SPECC1: variants seen among roughly 807,000 people sequenced by gnomAD.
SPECC1 encodes the protein sperm antigen with calponin homology and coiled-coil domains 1.
A neutral mutation model predicts 104.1 loss-of-function variants in SPECC1; 62 were observed. The ratio of observed to expected loss-of-function variants is 0.60; its 90% CI spans 0.49 to 0.74. The LOEUF is 0.74. SPECC1 is among the 30% of genes least tolerant of loss of function. SPECC1 has a pLI of 0.00. For synonymous variants in SPECC1, 513 were observed against 501.6 expected (o/e 1.02, Z -0.30); for missense variants, 1,306 against 1,310.5 (o/e 1.00, Z 0.05).
intron 3 of SPECC1, among the ~76,000 whole-genome samples, chr17:20,129,941 A>G (rs1397631343): frequency 6.6e-6 from 1 of 151,050 alleles, no homozygotes; most frequent in Non-Finnish European, 1.5e-5. Flanking sequence ...TTTAGTAGAA[A>G]CTGGGTTTCA....
chr17:20,196,585 A>G (rs138540655), intron 3 of SPECC1, among the ~76,000 whole-genome samples: 1 of 152,362 alleles, frequency 6.6e-6, no homozygotes, highest in East Asian at 1.9e-4. Context: ...CATCTGAGAC[A>G]TTCTTGGACT....
At chr17:20,279,198 G>T (rs1258761820) in intron 12 of SPECC1, among the ~76,000 whole-genome samples, 3 of 151,716 alleles carry the variant, frequency 2.0e-5, no homozygotes, top group African/African-American at 7.3e-5. Context: ...CTCGTGAAAT[G>T]TTCATTTGGG....
At chr17:20,187,294 G>A (rs918079234) in intron 3 of SPECC1, among the ~76,000 whole-genome samples, 3 of 152,202 alleles carry the variant, frequency 2.0e-5, no homozygotes, top group East Asian at 3.9e-4. Flanking sequence ...ATTTAACCCC[G>A]TCTTCTCCCA....
chr17:20,112,364 GAACACCTAGA>G, intron 3 of SPECC1: 2 of 756,662 alleles, frequency 2.6e-6, no homozygotes, highest in Non-Finnish European at 4.9e-6. Context: ...CTCATTGATT[GAACACCTAGA>G]AATGGCAATA....
chr17:20,237,262 G>A lies in SPECC1; in HGVS notation c.2351+4857G>A, dbSNP rs1158649913. 7 of 1,133,656 alleles carry A rather than the reference G, an allele frequency of 6.2e-6. No individual in the cohort carries two copies. The African/African-American group carries it at 6.4e-5, about 10-fold the overall frequency. The allele number at this position is 1,133,656 out of a possible 1,614,324, so 70.2% of individuals were successfully genotyped here. A position where few individuals can be genotyped will look rare whatever the true frequency, so the allele number is the denominator to read the frequency against. ...GAGCAGATGCAGAGCTGGGTACAGC[G>A]CAGGCCCGAGTTCTTTTGTTTTTTG... On this transcript the variant is annotated intron_variant, in intron 7 of 14. Coordinates refer to ENST00000395527, the MANE Select transcript of SPECC1 (RefSeq NM_001243439.2).
At position 20,315,325 on chromosome 17, in the gene SPECC1, C is replaced by T. The variant is rs748635804; in HGVS notation, c.*1260C>T. The T allele has an allele frequency of 2.6e-4, 61 of 232,722 alleles. No homozygotes were observed. Among genetic ancestry groups the T allele is most frequent in the Non-Finnish European group, 9.3e-5 (11 of 117,790 alleles). 14.4% of individuals were successfully genotyped at this position (232,722 alleles called of 1,614,324 possible). A position where few individuals can be genotyped will look rare whatever the true frequency, so the allele number is the denominator to read the frequency against. On this transcript the variant is annotated 3_prime_UTR_variant, in exon 15 of 15. Transcript: ENST00000395527. ...AGAATGCAGTTGCCCCAGCATCCTA[C>T]TGGTCACCTTAAGTGGCAGCAGAGC...
intron 1 of SPECC1, among the ~76,000 whole-genome samples, chr17:20,042,773 T>C (rs1045878406): frequency 6.6e-6 from 1 of 152,208 alleles, no homozygotes; most frequent in Non-Finnish European, 1.5e-5. Context: ...TGAAGTTGCC[T>C]GCTGCTTCAG....
At chr17:20,023,073 A>G (rs915359904) in intron 1 of SPECC1, among the ~76,000 whole-genome samples, 1 of 152,242 alleles carries the variant, frequency 6.6e-6, no homozygotes, top group African/African-American at 2.4e-5. Context: ...TATGAACAAG[A>G]GTTCTAAACG....
intron 3 of SPECC1, among the ~76,000 whole-genome samples, chr17:20,159,388 C>T (rs2032924276): frequency 6.6e-6 from 1 of 152,212 alleles, no homozygotes; most frequent in African/African-American, 2.4e-5. Context: ...AAAGGGATCC[C>T]AGTGGAACAC....
chr17:20,205,947 AT>A (rs1158117031), intron 4 of SPECC1, 35 bp downstream of exon 4: 1 of 1,567,702 alleles, frequency 6.4e-7, no homozygotes, highest in African/African-American at 1.4e-5. Context: ...GTATTTGCTC[AT>A]CCTTGTTCAC....
chr17:20,239,250 T>C, intron 7 of SPECC1: 4 of 1,013,358 alleles, frequency 3.9e-6, no homozygotes, highest in Non-Finnish European at 3.6e-6. Flanking sequence ...TATGAAGTAT[T>C]ATTTAGGTAT....
chr17:20,052,969 T>C (rs748696624), intron 1 of SPECC1, among the ~76,000 whole-genome samples: 16 of 152,216 alleles, frequency 1.1e-4, no homozygotes, highest in Non-Finnish European at 2.1e-4. Context: ...CACCCATTCT[T>C]TCTTATTTTC....
At chr17:20,130,417 C>G (rs921742490) in intron 3 of SPECC1, among the ~76,000 whole-genome samples, 5 of 152,120 alleles carry the variant, frequency 3.3e-5, no homozygotes, top group Admixed American at 1.3e-4. Flanking sequence ...CACTTGTGGT[C>G]CCAGCTACTT....
At chr17:20,168,085 G>T (rs1441311044) in intron 3 of SPECC1, among the ~76,000 whole-genome samples, 2 of 152,092 alleles carry the variant, frequency 1.3e-5, no homozygotes, top group African/African-American at 4.8e-5. Context: ...AGAAAAGATG[G>T]AAAGCATTCC....
At chr17:20,307,705 C>T (rs1423674883) in intron 14 of SPECC1, among the ~76,000 whole-genome samples, 1 of 152,030 alleles carries the variant, frequency 6.6e-6, no homozygotes. Flanking sequence ...AAAAATCAGA[C>T]AATGGCCATG....
At chr17:20,179,924 G>A (rs886888806) in intron 3 of SPECC1, among the ~76,000 whole-genome samples, 10 of 152,130 alleles carry the variant, frequency 6.6e-5, no homozygotes, top group South Asian at 2.1e-4. Flanking sequence ...AGGAAATAGC[G>A]TGGAACTAAA....
intron 1 of SPECC1, among the ~76,000 whole-genome samples, chr17:20,069,046 C>T (rs1376836716): frequency 6.6e-6 from 1 of 152,170 alleles, no homozygotes; most frequent in Non-Finnish European, 1.5e-5. Context: ...GTTTGTTATA[C>T]AGATTATTTC....
intron 1 of SPECC1, among the ~76,000 whole-genome samples, chr17:20,075,426 A>G (rs1324595914): frequency 2.6e-5 from 4 of 152,184 alleles, no homozygotes; most frequent in African/African-American, 9.7e-5. Context: ...TCCAGAGCTC[A>G]TGCTCTGATA....
chr17:20,205,934 C>A (rs2036752440), intron 4 of SPECC1, 22 bp downstream of exon 4: 2 of 1,584,276 alleles, frequency 1.3e-6, no homozygotes, highest in Non-Finnish European at 1.7e-6. Context: ...CAGCTCTTTA[C>A]TGGTATTTGC....
Sources: allele counts gnomAD v4.1 joint callset (sites outside exome capture counted in the v4.1 genomes callset), GRCh38; gene constraint gnomAD v4.1.1; transcripts MANE v1.5; gene names NCBI Gene and HGNC (gene_info 2026-07-23, HGNC 2026-07-21).